COP1: variants seen among roughly 807,000 people sequenced by gnomAD.
COP1 encodes E3 ubiquitin-protein ligase COP1.
Under a neutral mutation model 101.3 loss-of-function variants are expected in COP1, and 24 were observed. The observed-to-expected ratio is 0.24, with a 90% CI of 0.17 to 0.33. The LOEUF (loss-of-function observed/expected upper bound fraction) is 0.33, where lower values mean the gene tolerates loss of function less well. Ranked by LOEUF, COP1 falls within the 10% of genes least tolerant of loss-of-function variation. The probability of loss-of-function intolerance (pLI) is 1.00; values close to 1 mark genes in which losing one functional copy is unlikely to be tolerated. For missense variants in COP1, 663 were observed against 906.2 expected, an observed-to-expected ratio of 0.73 and a Z score of 3.45; for synonymous variants, 347 against 341.9, an observed-to-expected ratio of 1.01 and a Z score of -0.17.
intron 8 of COP1, among the ~76,000 whole-genome samples, chr1:176,130,219 TAA>T (rs1688668600): frequency 6.6e-6 from 1 of 151,678 alleles, no homozygotes; most frequent in South Asian, 2.1e-4. Context: ...AAGTCTGAGC[TAA>T]AAAGTTAAAA....
At chr1:176,154,626 C>T (rs1354103105) in intron 5 of COP1, among the ~76,000 whole-genome samples, 1 of 151,922 alleles carries the variant, frequency 6.6e-6, no homozygotes, top group Admixed American at 6.6e-5. Flanking sequence ...CACACTGGGG[C>T]CTATCGGAGG....
At chr1:176,096,582 A>C (rs1253365428) in intron 9 of COP1, among the ~76,000 whole-genome samples, 1 of 152,236 alleles carries the variant, frequency 6.6e-6, no homozygotes, top group Non-Finnish European at 1.5e-5. Flanking sequence ...CATTTGTATA[A>C]GAATAAGAGG....
At chr1:176,063,232 T>G (rs1313989903) in intron 11 of COP1, among the ~76,000 whole-genome samples, 2 of 150,878 alleles carry the variant, frequency 1.3e-5, no homozygotes, top group East Asian at 3.9e-4. Flanking sequence ...GCTAATTTTT[T>G]TGTATTTTTA....
chr1:176,104,759 T>C (rs886387161), intron 9 of COP1, among the ~76,000 whole-genome samples: 5 of 152,178 alleles, frequency 3.3e-5, no homozygotes, highest in Non-Finnish European at 7.4e-5. Flanking sequence ...TATCCATTCA[T>C]ACCTTTGACC....
intron 3 of COP1, among the ~76,000 whole-genome samples, chr1:176,174,110 C>T (rs1696579070): frequency 6.7e-6 from 1 of 150,314 alleles, no homozygotes; most frequent in African/African-American, 2.4e-5. Context: ...TATTTAGAAA[C>T]TCACAAAACA....
rs983594729 is a variant in COP1 at position 176,206,884 on chromosome 1, G to C, written c.95C>G (p.Ser32Cys). 3 of 1,464,654 alleles carry C rather than the reference G, an allele frequency of 2.0e-6. No homozygotes were observed. The highest frequency in any genetic ancestry group is 2.7e-6 in the Non-Finnish European group (3 of 1,114,006). The allele number at this position is 1,464,654 out of a possible 1,614,324, so 90.7% of individuals were successfully genotyped here. A position where few individuals can be genotyped will look rare whatever the true frequency, so the allele number is the denominator to read the frequency against. Residue 32 changes from serine (S) to cysteine (C), a missense_variant, in exon 1 of 20, where the codon TCC (serine) becomes TGC (cysteine). Transcript: ENST00000367669. ...CACGGAAGGCGGCGACGGGGAAGAG[G>C]ATAAAGACGAGGAGGCGGAAGTCAC... ...SSVTSASSSLSSSPSPPSVAV... is the reference protein window; with the variant it reads ...SSVTSASSSLCSSPSPPSVAV...
At chr1:175,963,558 T>C (rs1003692046) in intron 18 of COP1, among the ~76,000 whole-genome samples, 1 of 152,174 alleles carries the variant, frequency 6.6e-6, no homozygotes, top group African/African-American at 2.4e-5. Flanking sequence ...CTCAAGCATA[T>C]ATGCCTTAAA....
chr1:176,007,021 C>T (rs1383300941), intron 15 of COP1, among the ~76,000 whole-genome samples: 2 of 152,036 alleles, frequency 1.3e-5, no homozygotes, highest in Non-Finnish European at 2.9e-5. Context: ...CACATAGTCC[C>T]GTATTTCTTG....
intron 1 of COP1, among the ~76,000 whole-genome samples, chr1:176,195,261 G>A (rs1699544343): frequency 6.6e-6 from 1 of 152,178 alleles, no homozygotes; most frequent in Non-Finnish European, 1.5e-5. Context: ...GGAATAAAGA[G>A]TGACATTTCA....
chr1:176,054,246 C>T (rs554884184), intron 11 of COP1, among the ~76,000 whole-genome samples: 16 of 151,212 alleles, frequency 1.1e-4, no homozygotes, highest in East Asian at 3.9e-4. Context: ...CTGCAACCTC[C>T]GCCTCCCAGG....
At chr1:176,043,840 G>A (rs770187324) in intron 12 of COP1, 22 bp from the exon 13 acceptor site, 56 of 1,308,844 alleles carry the variant, frequency 4.3e-5, no homozygotes, top group Non-Finnish European at 5.7e-5. Flanking sequence ...ACAGTTAAAA[G>A]TTACTTTACA....
chr1:176,023,993 C>G (rs143680715), intron 15 of COP1, among the ~76,000 whole-genome samples: 1 of 152,046 alleles, frequency 6.6e-6, no homozygotes, highest in Non-Finnish European at 1.5e-5. Context: ...CATGGTAGCT[C>G]ATGCCTGTAA....
At chr1:175,989,327 T>C (rs368607299) in intron 16 of COP1, 35 bp downstream of exon 16, 1 of 1,071,982 alleles carries the variant, frequency 9.3e-7, no homozygotes, top group African/African-American at 1.6e-5. Flanking sequence ...CAGAGCTCTG[T>C]ATTAAGCTCA....
intron 15 of COP1, among the ~76,000 whole-genome samples, chr1:175,990,442 A>G (rs1168948994): frequency 6.6e-6 from 1 of 152,124 alleles, no homozygotes; most frequent in African/African-American, 2.4e-5. Context: ...CACTTGCTTG[A>G]GAAGAATGTG....
chr1:176,184,744 A>G lies in COP1; in HGVS notation c.408-52T>C, dbSNP rs189955856. 326 of 1,357,906 alleles carry G rather than the reference A, an allele frequency of 2.4e-4. 2 individuals are homozygous for G. Among genetic ancestry groups the G allele is most frequent in the Admixed American group, 2.0e-3 (110 of 54,732 alleles). 84.1% of individuals were successfully genotyped at this position (1,357,906 alleles called of 1,614,324 possible). Reference sequence around the variant, plus strand: ...TTTTTTTTAAAAGTAGAGTGATTACAAATTGGAAAAGACTAGTAACAATAC... The same window carrying G: ...TTTTTTTTAAAAGTAGAGTGATTACGAATTGGAAAAGACTAGTAACAATAC... On this transcript the variant is annotated intron_variant, in intron 1 of 19. Coordinates refer to ENST00000367669, the MANE Select transcript of COP1 (RefSeq NM_022457.7).
intron 2 of COP1, among the ~76,000 whole-genome samples, chr1:176,180,793 C>T (rs1384639902): frequency 6.6e-6 from 1 of 151,990 alleles, no homozygotes; most frequent in Non-Finnish European, 1.5e-5. Flanking sequence ...CAAATCAGAA[C>T]CAGTCATTAC....
At chr1:176,111,970 C>T (rs1338123107) in intron 9 of COP1, among the ~76,000 whole-genome samples, 3 of 152,188 alleles carry the variant, frequency 2.0e-5, no homozygotes, top group Non-Finnish European at 4.4e-5. Flanking sequence ...CCTGGCAGAC[C>T]TGTTATTTAA....
At chr1:176,047,598 C>T (rs1671735759) in intron 11 of COP1, among the ~76,000 whole-genome samples, 1 of 152,192 alleles carries the variant, frequency 6.6e-6, no homozygotes, top group African/African-American at 2.4e-5. Context: ...TGTTTCTTCT[C>T]TCAAAATGCC....
intron 8 of COP1, among the ~76,000 whole-genome samples, chr1:176,125,039 C>T (rs1687785479): frequency 6.6e-6 from 1 of 152,156 alleles, no homozygotes; most frequent in Admixed American, 6.5e-5. Flanking sequence ...CTTCCATATA[C>T]ACTGGTTTGC....
Sources: gnomAD v4.1 joint callset for allele counts (sites outside exome capture counted in the v4.1 genomes callset) on GRCh38, gnomAD v4.1.1 for gene constraint, MANE v1.5 for transcripts, NCBI Gene and HGNC (gene_info 2026-07-23, HGNC 2026-07-21) for gene names.